KMO: variants seen among roughly 807,000 people sequenced by gnomAD.
KMO encodes kynurenine 3-hydroxylase.
KMO carries 24 observed loss-of-function variants against 57.8 expected under a neutral mutation model. The observed-to-expected ratio is 0.42, with a 90% CI of 0.30 to 0.58. The LOEUF is 0.58. KMO is among the 20% of genes least tolerant of loss of function. The pLI is 0.22. For missense variants in KMO, 483 were observed against 588.2 expected (o/e 0.82, Z 1.85); for synonymous variants, 210 against 193.6 (o/e 1.08, Z -0.70).
intron 10 of KMO, among the ~76,000 whole-genome samples, chr1:241,575,667 T>G (rs1257487868): frequency 6.6e-6 from 1 of 152,106 alleles, no homozygotes; most frequent in Admixed American, 6.5e-5. Context: ...TAAAATTTAT[T>G]GAGACTTGTT....
intron 10 of KMO, chr1:241,586,426 C>T: frequency 5.2e-6 from 2 of 381,638 alleles, no homozygotes; most frequent in Non-Finnish European, 9.8e-6. Context: ...TCTCAAACTC[C>T]TGAGCTCAAG....
intron 5 of KMO, among the ~76,000 whole-genome samples, chr1:241,556,893 AAATAAT>A (rs565628211): frequency 6.0e-5 from 9 of 150,706 alleles, no homozygotes; most frequent in African/African-American, 1.7e-4. Flanking sequence ...AGTCCCAATA[AAATAAT>A]AATAATAATA....
chr1:241,580,678 A>G (rs1662715210), intron 10 of KMO, among the ~76,000 whole-genome samples: 1 of 151,876 alleles, frequency 6.6e-6, no homozygotes, highest in South Asian at 2.1e-4. Flanking sequence ...CTTGTTATTT[A>G]TTTCTAGTTT....
intron 10 of KMO, among the ~76,000 whole-genome samples, chr1:241,573,579 G>A (rs1662390090): frequency 6.6e-6 from 1 of 151,964 alleles, no homozygotes; most frequent in East Asian, 1.9e-4. Flanking sequence ...AAGATCAGTT[G>A]GTTGTACGTA....
chr1:241,585,245 T>TTAATAATTA lies in KMO; in HGVS notation c.958-1434_958-1433insTAATAATTA, dbSNP rs1553351151. 6.9e-3 allele frequency among the ~76,000 whole-genome samples: 1,029 copies of TTAATAATTA among 150,128 alleles called. 3 individuals are homozygous for TTAATAATTA. The highest frequency in any genetic ancestry group is 0.016 in the African/African-American group (652 of 40,760). On this transcript the variant is annotated intron_variant, in intron 10 of 14. Coordinates refer to ENST00000366559, the MANE Select transcript of KMO (RefSeq NM_003679.5). ...CTGCATTTCAAAATTAATTAATTAA[T>TTAATAATTA]AATTAAATTAAATTAAATTGGAATT...
Position 241,594,332 on chromosome 1 carries a change from T to C in KMO, c.*2179T>C, listed in dbSNP as rs1663428867. On this transcript the variant is annotated 3_prime_UTR_variant, in exon 15 of 15. Coordinates refer to ENST00000366559, the MANE Select transcript of KMO (RefSeq NM_003679.5). ...CTGCTGGACCACAAGGTTCTGTTGA[T>C]ATTACATAGAACGGGTATTCCAGAC... 1 of 1,327,056 alleles carries C rather than the reference T, an allele frequency of 7.5e-7. No homozygotes were observed. Among genetic ancestry groups the C allele is most frequent in the African/African-American group, 1.5e-5 (1 of 68,578 alleles). 82.2% of individuals were successfully genotyped at this position (1,327,056 alleles called of 1,614,324 possible). A position where few individuals can be genotyped will look rare whatever the true frequency, so the allele number is the denominator to read the frequency against.
chr1:241,535,499 G>A (rs1420000400), intron 1 of KMO, among the ~76,000 whole-genome samples: 1 of 152,134 alleles, frequency 6.6e-6, no homozygotes, highest in African/African-American at 2.4e-5. Flanking sequence ...CTCTGATGTA[G>A]TGATCATCTG....
intron 10 of KMO, 158 bp from the exon 11 acceptor site, chr1:241,586,521 A>G: frequency 1.6e-6 from 1 of 641,754 alleles, no homozygotes; most frequent in Admixed American, 2.5e-5. Flanking sequence ...TTTTAACCAT[A>G]ATTCAATACC....
At chr1:241,557,802 C>T (rs1427626423) in intron 5 of KMO, among the ~76,000 whole-genome samples, 1 of 151,544 alleles carries the variant, frequency 6.6e-6, no homozygotes, top group South Asian at 2.1e-4. Context: ...CAGAGCAAGA[C>T]ATCAACTCTA....
At chr1:241,534,675 C>T (rs981510868) in intron 1 of KMO, among the ~76,000 whole-genome samples, 1 of 152,336 alleles carries the variant, frequency 6.6e-6, no homozygotes, top group East Asian at 1.9e-4. Flanking sequence ...CATTATCATC[C>T]GCCATCCTTA....
chr1:241,554,227 TTTCCTTCCTTCCTTCCTTCCTTCCTTCC>T (rs59290477), intron 4 of KMO, among the ~76,000 whole-genome samples: 18 of 132,126 alleles, frequency 1.4e-4, no homozygotes, highest in Non-Finnish European at 2.2e-4. Flanking sequence ...AATACTTTTC[TTTCCTTCCTTCCTTCCTTCCTTCCTTCC>T]TTCCTTCCTT....
At chr1:241,540,209 T>C (rs1443894720) in intron 1 of KMO, among the ~76,000 whole-genome samples, 2 of 152,204 alleles carry the variant, frequency 1.3e-5, no homozygotes, top group African/African-American at 4.8e-5. Context: ...CTGTATTTTC[T>C]AATTCATTAG....
In KMO at chr1:241,587,751, CTT is replaced by C. The variant is rs11409165; in HGVS notation, c.1016-986_1016-985del. On this transcript the variant is annotated intron_variant, in intron 11 of 14. Coordinates refer to ENST00000366559, the MANE Select transcript of KMO (RefSeq NM_003679.5). ...GAGCCACCATGCCCGGCATAAATTC[CTT>C]TTTTTTTTTTCATTATTTTTCAGTT... 2.2e-3 allele frequency among the ~76,000 whole-genome samples: 326 copies of C among 146,618 alleles called. 1 individual carries two copies. The highest frequency in any genetic ancestry group is 7.7e-3 in the African/African-American group (311 of 40,236).
chr1:241,551,343 T>C, intron 4 of KMO, among the ~76,000 whole-genome samples: 1 of 152,206 alleles, frequency 6.6e-6, no homozygotes, highest in Non-Finnish European at 1.5e-5. Flanking sequence ...TCCTTTTCAA[T>C]TAGGTAGAGA....
At chr1:241,590,484 T>C (rs1663218232) in intron 14 of KMO, among the ~76,000 whole-genome samples, 1 of 152,216 alleles carries the variant, frequency 6.6e-6, no homozygotes, top group African/African-American at 2.4e-5. Context: ...AATCTCAAGA[T>C]AGAAACTGAT....
At chr1:241,549,252 A>AGAAAGAAAGAAAGTCG (rs1553346331) in intron 2 of KMO, among the ~76,000 whole-genome samples, 1 of 17,376 alleles carries the variant, frequency 5.8e-5, no homozygotes, top group African/African-American at 1.6e-4. Context: ...AAAGAAAGAA[A>AGAAAGAAAGAAAGTCG]GAAAGAAAGA....
intron 4 of KMO, among the ~76,000 whole-genome samples, chr1:241,552,273 A>G (rs551109909): frequency 1.3e-5 from 2 of 152,224 alleles, no homozygotes; most frequent in African/African-American, 4.8e-5. Context: ...TCAATGCATT[A>G]CAAGGAGGAA....
chr1:241,565,127 T>C (rs937211204), intron 8 of KMO, 69 bp downstream of exon 8: 1 of 899,416 alleles, frequency 1.1e-6, no homozygotes, highest in Admixed American at 1.8e-5. Context: ...CTTACATTTG[T>C]ACTTAGAATG....
rs895794948 is a variant in KMO at position 241,594,692 on chromosome 1, C to T, written c.*2539C>T. On this transcript the variant is annotated 3_prime_UTR_variant, in exon 15 of 15. Transcript: ENST00000366559. ...GAAGCTGCAAAAGGGATCTTCGAAA[C>T]TGGGCAGAGAAAAAATAAAGTGGAA... 1.9e-6 allele frequency: 3 copies of T among 1,611,056 alleles called. No individual in the cohort carries two copies. Among genetic ancestry groups the T allele is most frequent in the Non-Finnish European group, 2.5e-6 (3 of 1,178,746 alleles).
Sources: allele counts gnomAD v4.1 joint callset (sites outside exome capture counted in the v4.1 genomes callset), GRCh38; gene constraint gnomAD v4.1.1; transcripts MANE v1.5; gene names NCBI Gene and HGNC (gene_info 2026-07-23, HGNC 2026-07-21).